The following MACROH2A1 variants were observed in gnomAD, a reference collection of about 807,000 sequenced individuals.
MACROH2A1 encodes the protein macroH2A.1 histone, also known as core histone macro-H2A.1.
Under a neutral mutation model 31.6 loss-of-function variants are expected in MACROH2A1, and 2 were observed. The observed-to-expected ratio is 0.06, with a 90% CI of 0.03 to 0.20. The LOEUF is 0.20. MACROH2A1 is among the 10% of genes least tolerant of loss of function. The pLI is 1.00. For synonymous variants in MACROH2A1, 169 were observed against 189.6 expected, an observed-to-expected ratio of 0.89 and a Z score of 0.89; for missense variants, 230 against 474.0, an observed-to-expected ratio of 0.49 and a Z score of 4.78.
rs767319236 is a variant in MACROH2A1, at chr5:135,350,799, C to T, written c.688+2147G>A. On this transcript the variant is annotated intron_variant, in intron 6 of 8. Transcript: ENST00000511689. ...CCGACTGACCATGCACACACACACTCGGCAGCACCCGGCTAGGCATTACCT... is the reference window on the plus strand; with the variant it reads ...CCGACTGACCATGCACACACACACTTGGCAGCACCCGGCTAGGCATTACCT... 13 of 1,490,426 alleles carry T rather than the reference C, an allele frequency of 8.7e-6. No individual in the cohort carries two copies. The Admixed American group carries it at 1.3e-4, about 15-fold the overall frequency. The allele number at this position is 1,490,426 out of a possible 1,614,324, so 92.3% of individuals were successfully genotyped here. A position where few individuals can be genotyped will look rare whatever the true frequency, so the allele number is the denominator to read the frequency against.
intron 1 of MACROH2A1, 24 bp from the exon 2 acceptor site, chr5:135,389,150 G>C: frequency 6.4e-7 from 1 of 1,553,226 alleles, no homozygotes; most frequent in Non-Finnish European, 8.8e-7. Flanking sequence ...AGGCACACCG[G>C]TCAGGGTGGC....
At chr5:135,344,080 T>C (rs1269585649) in intron 7 of MACROH2A1, 1 of 153,340 alleles carries the variant, frequency 6.5e-6, no homozygotes, top group Non-Finnish European at 1.5e-5. Flanking sequence ...AGGAACTGTG[T>C]TTTTCTTTTC....
rs905948239 is a variant in MACROH2A1 at position 135,398,602 on chromosome 5, C to G, written c.-34+460G>C. ...CGGGCCCGACTTATTGTGCCGGGGC[C>G]GGCAACTCGCGGGCCGGCGGGGGCC... On this transcript the variant is annotated intron_variant, in intron 1 of 8. Transcript: ENST00000511689. The surrounding 1 kb of genome is among the most constrained non-coding windows in gnomAD (Gnocchi z 4.6). Among the ~76,000 whole-genome samples the G allele has an allele frequency of 3.9e-5, 6 of 152,202 alleles. No individual in the cohort carries two copies. Among genetic ancestry groups the G allele is most frequent in the Non-Finnish European group, 8.8e-5 (6 of 68,026 alleles).
intron 4 of MACROH2A1, among the ~76,000 whole-genome samples, chr5:135,368,292 G>A (rs1763769500): frequency 6.6e-6 from 1 of 152,262 alleles, no homozygotes; most frequent in Non-Finnish European, 1.5e-5. Flanking sequence ...GAGAGGACAT[G>A]CTGACAGGAC....
chr5:135,337,636 G>A (rs183690797), intron 8 of MACROH2A1, among the ~76,000 whole-genome samples: 1 of 152,364 alleles, frequency 6.6e-6, no homozygotes, highest in East Asian at 1.9e-4. Flanking sequence ...TGATTCAGCA[G>A]GTCTAGCAGC....
At chr5:135,341,831 T>C (rs1759929077) in intron 8 of MACROH2A1, among the ~76,000 whole-genome samples, 1 of 152,216 alleles carries the variant, frequency 6.6e-6, no homozygotes, top group Non-Finnish European at 1.5e-5. Context: ...CTGAGGACTG[T>C]TGCTCAGGCT....
chr5:135,340,296 T>C (rs1243276939), intron 8 of MACROH2A1, among the ~76,000 whole-genome samples: 2 of 152,202 alleles, frequency 1.3e-5, no homozygotes, highest in Admixed American at 6.5e-5. Context: ...CCTTGTAGGG[T>C]TGCTGTGAGA....
intron 2 of MACROH2A1, among the ~76,000 whole-genome samples, chr5:135,388,188 C>T (rs71587572): frequency 0.015 from 2,278 of 151,862 alleles, 24 homozygotes; most frequent in Non-Finnish European, 0.021. Flanking sequence ...TATTTTATAA[C>T]CACCACTGTA....
intron 2 of MACROH2A1, among the ~76,000 whole-genome samples, chr5:135,371,383 C>A (rs1393082): frequency 0.48 from 72,436 of 152,062 alleles, 21,637 homozygotes; most frequent in African/African-American, 0.85. Context: ...GTGATGAAAT[C>A]AGTGTATTCT....
intron 4 of MACROH2A1, chr5:135,361,312 C>T (rs1762818424): frequency 6.5e-6 from 1 of 153,960 alleles, no homozygotes; most frequent in Admixed American, 6.4e-5. Flanking sequence ...TAACATTTTC[C>T]TACAACTGAT....
intron 8 of MACROH2A1, among the ~76,000 whole-genome samples, chr5:135,339,909 G>A (rs1348984412): frequency 6.6e-6 from 1 of 152,216 alleles, no homozygotes; most frequent in Non-Finnish European, 1.5e-5. Flanking sequence ...CCCGGGCTTT[G>A]GGTAAATGAA....
At chr5:135,351,976 C>T (rs1044253844) in intron 6 of MACROH2A1, among the ~76,000 whole-genome samples, 1 of 151,790 alleles carries the variant, frequency 6.6e-6, no homozygotes, top group African/African-American at 2.4e-5. Flanking sequence ...TCAAGCTGGA[C>T]ACTCTTGAGT....
chr5:135,389,308 G>A lies in MACROH2A1; in HGVS notation c.-33-182C>T, dbSNP rs1177874527. 1.7e-5 allele frequency: 7 copies of A among 423,260 alleles called. No individual in the cohort carries two copies. In the East Asian group the frequency reaches 2.4e-4, roughly 14 times the overall value. 26.2% of individuals were successfully genotyped at this position (423,260 alleles called of 1,614,324 possible). On this transcript the variant is annotated intron_variant, in intron 1 of 8. Coordinates refer to ENST00000511689, the MANE Select transcript of MACROH2A1 (RefSeq NM_138610.3). ...GAGCAGTTTGATCCCTGAAAAGAAAGGCTTGGCTTTGCACAATTTATACCA... is the reference window on the plus strand; with the variant it reads ...GAGCAGTTTGATCCCTGAAAAGAAAAGCTTGGCTTTGCACAATTTATACCA...
intron 5 of MACROH2A1, chr5:135,358,860 T>C: frequency 1.0e-6 from 1 of 984,224 alleles, no homozygotes; most frequent in Non-Finnish European, 1.2e-6. Context: ...AGACCAGATG[T>C]ATCTGAAAAG....
chr5:135,339,853 T>C (rs964587797), intron 8 of MACROH2A1, among the ~76,000 whole-genome samples: 1 of 152,172 alleles, frequency 6.6e-6, no homozygotes, highest in Non-Finnish European at 1.5e-5. Context: ...CCCCTGCAGC[T>C]AGAGAGGGGA....
At chr5:135,376,838 G>C (rs1764941970) in intron 2 of MACROH2A1, among the ~76,000 whole-genome samples, 3 of 152,152 alleles carry the variant, frequency 2.0e-5, no homozygotes, top group Non-Finnish European at 4.4e-5. Flanking sequence ...TGTTAAAAAA[G>C]TGCGACAAGC....
intron 7 of MACROH2A1, chr5:135,345,629 G>T (rs1269024932): frequency 4.8e-6 from 1 of 207,526 alleles, no homozygotes. Context: ...TTTTTAATTT[G>T]TATCTCTCAC....
At chr5:135,352,595 C>T (rs1217774863) in intron 6 of MACROH2A1, among the ~76,000 whole-genome samples, 1 of 152,128 alleles carries the variant, frequency 6.6e-6, no homozygotes, top group Admixed American at 6.5e-5. Flanking sequence ...TTTGTAGTTA[C>T]CTGAGATTTT....
intron 2 of MACROH2A1, among the ~76,000 whole-genome samples, 196 bp downstream of exon 2, chr5:135,388,726 G>A (rs1766776473): frequency 6.6e-6 from 1 of 152,214 alleles, no homozygotes; most frequent in African/African-American, 2.4e-5. Flanking sequence ...CACACACAAT[G>A]AGGGGAGATA....
Sources: gnomAD v4.1 joint callset for allele counts (sites outside exome capture counted in the v4.1 genomes callset) on GRCh38, gnomAD v4.1.1 for gene constraint, Gnocchi (gnomAD v3.1) non-coding constraint, MANE v1.5 for transcripts, NCBI Gene and HGNC (gene_info 2026-07-23, HGNC 2026-07-21) for gene names.